Variants in AKAP9 observed in about 807,000 individuals in gnomAD.
AKAP9 encodes the protein A-kinase anchor protein 9.
A neutral mutation model predicts 488.5 loss-of-function variants in AKAP9; 311 were observed. The observed-to-expected ratio is 0.64, with a 90% CI of 0.58 to 0.70. AKAP9 has a LOEUF of 0.70. Among genes scored for constraint, AKAP9 ranks in the 30% least tolerant of loss-of-function variants. AKAP9 has a pLI of 0.00. For synonymous variants in AKAP9, 1,462 were observed against 1,483.5 expected (o/e 0.99, Z 0.33); for missense variants, 4,215 against 4,374.5 (o/e 0.96, Z 1.03).
At chr7:92,013,449 A>G (rs182943526) in intron 9 of AKAP9, among the ~76,000 whole-genome samples, 32 of 152,306 alleles carry the variant, frequency 2.1e-4, no homozygotes, top group African/African-American at 7.2e-4. Flanking sequence ...TTATTCTGAA[A>G]GAAGCATATA....
intron 1 of AKAP9, among the ~76,000 whole-genome samples, chr7:91,947,465 C>A (rs1339242691): frequency 6.6e-6 from 1 of 152,008 alleles, no homozygotes. Context: ...GCCTCAGCCT[C>A]CCGAGTAGCT....
At chr7:92,018,395 AACACACAC>A (rs56394853) in intron 12 of AKAP9, among the ~76,000 whole-genome samples, 5,570 of 120,644 alleles carry the variant, frequency 0.046, 198 homozygotes, top group African/African-American at 0.12. Flanking sequence ...CTAAAAATAT[AACACACAC>A]ACACACACAC....
chr7:92,037,633 T>C lies in AKAP9; in HGVS notation c.4339-786T>C, dbSNP rs186550349. On this transcript the variant is annotated intron_variant, in intron 16 of 49. Transcript: ENST00000356239. ...CCTGTGCTGGGGTGGGATGGGAGGC[T>C]AGAATAAGCAGGGATTCAGGATCAT... Among the ~76,000 whole-genome samples the C allele has an allele frequency of 1.7e-3, 253 of 152,294 alleles. 3 individuals are homozygous for C. Among genetic ancestry groups the C allele is most frequent in the Non-Finnish European group, 2.1e-4 (14 of 68,024 alleles).
chr7:92,037,707 T>A (rs1043508118), intron 16 of AKAP9, among the ~76,000 whole-genome samples: 1 of 152,208 alleles, frequency 6.6e-6, no homozygotes, highest in Admixed American at 6.5e-5. Context: ...TCTACTCATA[T>A]TTACCAGTCA....
chr7:92,082,127 G>T (rs1336585455), intron 31 of AKAP9, among the ~76,000 whole-genome samples: 2 of 152,140 alleles, frequency 1.3e-5, no homozygotes, highest in East Asian at 1.9e-4. Context: ...TAGAGACAGG[G>T]TTTCGCCACG....
At chr7:92,065,195 G>A (rs771572096) in intron 24 of AKAP9, 36 bp from the exon 25 acceptor site, 3 of 1,341,760 alleles carry the variant, frequency 2.2e-6, no homozygotes, top group Middle Eastern at 2.5e-4. Flanking sequence ...ATCATTAATT[G>A]TGATTTAATT....
intron 37 of AKAP9, among the ~76,000 whole-genome samples, chr7:92,088,073 T>G (rs922388723): frequency 6.6e-6 from 1 of 152,082 alleles, no homozygotes; most frequent in Non-Finnish European, 1.5e-5. Context: ...GTTAAGAAAG[T>G]ATATTTACAT....
At chr7:91,946,065 G>T (rs193263194) in intron 1 of AKAP9, among the ~76,000 whole-genome samples, 2 of 152,294 alleles carry the variant, frequency 1.3e-5, no homozygotes, top group Admixed American at 1.3e-4. Flanking sequence ...TCAGTGTGAA[G>T]AGTAGTTCCA....
intron 21 of AKAP9, among the ~76,000 whole-genome samples, chr7:92,051,258 G>A (rs774368119): frequency 5.3e-5 from 8 of 151,976 alleles, no homozygotes; most frequent in African/African-American, 1.2e-4. Context: ...TTCCCTTTGC[G>A]TCACATTTCT....
At chr7:91,974,741 TTTTA>T (rs574681776) in intron 2 of AKAP9, among the ~76,000 whole-genome samples, 4 of 152,142 alleles carry the variant, frequency 2.6e-5, no homozygotes, top group African/African-American at 7.2e-5. Context: ...ACACAGGATT[TTTTA>T]TTTATTTAGG....
rs1813255105 is a variant in AKAP9 at position 92,080,059 on chromosome 7, G to A, written c.7926G>A (p.Lys2642=). The change falls in exon 31 of 50, where the codon AAG becomes AAA. Residue 2642 remains lysine (K), a synonymous_variant. Coordinates refer to ENST00000356239, the MANE Select transcript of AKAP9 (RefSeq NM_005751.5). The part of the protein sequence containing the change: ...AEKNVLEKEK[K]LLELQKLLEG... The stretch of plus-strand genomic sequence containing the variant: ...AAAATGTTTTAGAAAAAGAAAAGAA[G>A]CTGCTAGAACTACAGAAGCTATTGG... The A allele has an allele frequency of 3.8e-6, 6 of 1,565,146 alleles. No individual in the cohort carries two copies. The highest frequency in any genetic ancestry group is 3.5e-4 in the Middle Eastern group (2 of 5,684).
chr7:92,055,275 T>G lies in AKAP9; in HGVS notation c.5601+2317T>G, dbSNP rs1808589614. On this transcript the variant is annotated intron_variant, in intron 22 of 49. Coordinates refer to ENST00000356239, the MANE Select transcript of AKAP9 (RefSeq NM_005751.5). ...GAAGCAGTAGTATAAGTTAAGATTT[T>G]GTTTTGTCATTGTTGTGTTTGAAAC... Among the ~76,000 whole-genome samples, 4 of 152,220 alleles carry G rather than the reference T, an allele frequency of 2.6e-5. No individual in the cohort carries two copies. The South Asian group carries it at 8.3e-4, about 32-fold the overall frequency.
intron 7 of AKAP9, among the ~76,000 whole-genome samples, chr7:91,998,103 C>T (rs1033888100): frequency 6.6e-6 from 1 of 152,010 alleles, no homozygotes; most frequent in African/African-American, 2.4e-5. Flanking sequence ...GAGCTTGCAG[C>T]CTAGATCCTT....
chr7:92,070,829 G>GAAT, intron 27 of AKAP9, 76 bp from the exon 28 acceptor site: 1 of 710,898 alleles, frequency 1.4e-6, no homozygotes, highest in Non-Finnish European at 2.1e-6. Flanking sequence ...AAAAAAAGCA[G>GAAT]ACCAAAAAAC....
chr7:92,084,988 A>G (rs375561611), intron 35 of AKAP9, 48 bp downstream of exon 35: 13 of 1,599,584 alleles, frequency 8.1e-6, no homozygotes, highest in Middle Eastern at 1.7e-4. Flanking sequence ...TGTTGTTTCT[A>G]TGTTGAACAT....
chr7:92,061,493 G>A (rs1178585865), intron 23 of AKAP9, 71 bp downstream of exon 23: 1 of 1,557,330 alleles, frequency 6.4e-7, no homozygotes, highest in African/African-American at 1.4e-5. Flanking sequence ...TTGATGCACA[G>A]CCAGGTTTGG....
chr7:92,082,568 A>G lies in AKAP9; in HGVS notation c.8066A>G (p.Asn2689Ser), dbSNP rs1813772537. The change falls in exon 32 of 50, where the codon AAT (asparagine) becomes AGT (serine). Residue 2689 changes from asparagine (N) to serine (S), a missense_variant. Physicochemically the swap from Asn to Ser is conservative, Grantham distance 46 (BLOSUM62 1). This residue lies in a region of AKAP9 where 1,476 missense variants were observed against 1,477.4 expected (regional missense o/e 1.00). Coordinates refer to ENST00000356239, the MANE Select transcript of AKAP9 (RefSeq NM_005751.5). The part of the protein sequence containing the change: ...FHSNEESGFF[N>S]ELEALRAESV... The stretch of plus-strand genomic sequence containing the variant: ...AGCAATGAAGAAAGTGGATTTTTTA[A>G]TGAACTCGAGGCTCTTAGAGCTGAA... The G allele has an allele frequency of 3.7e-6, 6 of 1,613,934 alleles. No homozygotes were observed. The highest frequency in any genetic ancestry group is 5.1e-6 in the Non-Finnish European group (6 of 1,179,900).
rs1234786077 is a variant in AKAP9, at chr7:92,105,563, GT to G, written c.11331-114del. 3 of 809,672 alleles carry G rather than the reference GT, an allele frequency of 3.7e-6. No homozygotes were observed. The African/African-American group carries it at 5.1e-5, about 14-fold the overall frequency. The allele number at this position is 809,672 out of a possible 1,614,324, so 50.2% of individuals were successfully genotyped here. On this transcript the variant is annotated intron_variant, in intron 46 of 49. Coordinates refer to ENST00000356239, the MANE Select transcript of AKAP9 (RefSeq NM_005751.5). The stretch of plus-strand genomic sequence containing the variant: ...ATTGACATAGTTTAACTGGGCAATT[GT>G]GAAATTTGACATTTGTTCTATGTTC...
intron 1 of AKAP9, among the ~76,000 whole-genome samples, chr7:91,969,260 C>T (rs1034909182): frequency 2.0e-5 from 3 of 152,040 alleles, no homozygotes; most frequent in African/African-American, 7.2e-5. Flanking sequence ...AGTTTTATTC[C>T]ATTATGGTCA....
Sources: gnomAD v4.1 joint callset for allele counts (sites outside exome capture counted in the v4.1 genomes callset) on GRCh38, gnomAD v4.1.1 for gene constraint, gnomAD v4.1.1 regional missense constraint, MANE v1.5 for transcripts, NCBI Gene and HGNC (gene_info 2026-07-23, HGNC 2026-07-21) for gene names.